Variants in CADPS2 observed in about 807,000 individuals in gnomAD.
CADPS2 encodes the protein calcium-dependent secretion activator 2.
A neutral mutation model predicts 172.5 loss-of-function variants in CADPS2; 93 were observed. The ratio of observed to expected loss-of-function variants is 0.54; its 90% confidence interval spans 0.46 to 0.64. CADPS2 has a LOEUF of 0.64. Among genes scored for constraint, CADPS2 ranks in the 30% least tolerant of loss-of-function variants. The pLI is 0.00. For synonymous variants in CADPS2, 546 were observed against 555.2 expected (o/e 0.98, Z 0.23); for missense variants, 1,420 against 1,565.9 (o/e 0.91, Z 1.57).
chr7:122,757,088 C>A (rs2093195287), intron 1 of CADPS2, among the ~76,000 whole-genome samples: 1 of 115,944 alleles, frequency 8.6e-6, no homozygotes, highest in Non-Finnish European at 1.6e-5. Context: ...AAGCTCTGAA[C>A]TGTTGACCAA....
intron 11 of CADPS2, among the ~76,000 whole-genome samples, chr7:122,489,466 A>G (rs1461493443): frequency 6.6e-6 from 1 of 152,180 alleles, no homozygotes; most frequent in Non-Finnish European, 1.5e-5. Context: ...TATCAAAGCT[A>G]GGTTTGAAGA....
In CADPS2 at chr7:122,581,227, G is replaced by A. The variant is rs773406852; in HGVS notation, c.1287C>T (p.Phe429=). The change falls in exon 7 of 30, where the codon TTC becomes TTT. Residue 429 remains phenylalanine, a synonymous_variant. Coordinates refer to ENST00000449022, the MANE Select transcript of CADPS2 (RefSeq NM_017954.11). ...HPRPVVKVKL[F]TESTGVLALE... ...GGGCCAGAACTCCAGTGCTTTCTGT[G>A]AAGAGTTTCACTTTGACCACAGGCC... The A allele has an allele frequency of 1.4e-5, 23 of 1,613,144 alleles. No individual in the cohort carries two copies. The Middle Eastern group carries it at 6.6e-4, about 46-fold the overall frequency.
intron 7 of CADPS2, among the ~76,000 whole-genome samples, chr7:122,569,905 G>T (rs112823319): frequency 0.096 from 13,532 of 140,452 alleles, 800 homozygotes; most frequent in African/African-American, 0.17. Flanking sequence ...AGACTTAAAC[G>T]TTAGACCTAA....
chr7:122,609,480 A>C (rs1373634912), intron 6 of CADPS2, among the ~76,000 whole-genome samples: 1 of 152,320 alleles, frequency 6.6e-6, no homozygotes, highest in East Asian at 1.9e-4. Flanking sequence ...AAAAATCCAT[A>C]AATAACAGGA....
intron 18 of CADPS2, among the ~76,000 whole-genome samples, chr7:122,414,848 A>T (rs1168864824): frequency 6.6e-6 from 1 of 152,220 alleles, no homozygotes; most frequent in Non-Finnish European, 1.5e-5. Flanking sequence ...GGCTTCATTA[A>T]ATACAAAAAT....
chr7:122,828,367 T>C (rs1280498428), intron 1 of CADPS2, among the ~76,000 whole-genome samples: 1 of 151,980 alleles, frequency 6.6e-6, no homozygotes, highest in Non-Finnish European at 1.5e-5. Context: ...TTATCCACTC[T>C]ATCTCTGTTT....
intron 17 of CADPS2, among the ~76,000 whole-genome samples, chr7:122,428,248 T>C (rs916187499): frequency 3.5e-4 from 53 of 152,120 alleles, no homozygotes; most frequent in Non-Finnish European, 4.4e-4. Flanking sequence ...AAAGCAATAG[T>C]ACGTAAAAAT....
intron 1 of CADPS2, among the ~76,000 whole-genome samples, chr7:122,777,041 C>T (rs139042386): frequency 1.3e-5 from 2 of 152,228 alleles, no homozygotes; most frequent in East Asian, 3.9e-4. Flanking sequence ...GTCCCAGCTA[C>T]TCACGAGGTT....
Position 122,416,043 on chromosome 7 carries a change from G to C in CADPS2, c.2580+18C>G, listed in dbSNP as rs1269288323. 8.9e-6 allele frequency: 13 copies of C among 1,461,226 alleles called. 1 individual carries two copies. Among genetic ancestry groups the C allele is most frequent in the Non-Finnish European group, 1.1e-5 (12 of 1,076,596 alleles). 90.5% of individuals were successfully genotyped at this position (1,461,226 alleles called of 1,614,324 possible). A position where few individuals can be genotyped will look rare whatever the true frequency, so the allele number is the denominator to read the frequency against. ...GCCTTACATATAGCTTTATACTACA[G>C]TGAAAACAGGTCATCACCTCTGCAT... On this transcript the variant is annotated intron_variant, in intron 18 of 29. Coordinates refer to ENST00000449022, the MANE Select transcript of CADPS2 (RefSeq NM_017954.11).
intron 29 of CADPS2, 47 bp downstream of exon 29, chr7:122,325,430 T>TATA (rs1338307219): frequency 8.2e-7 from 1 of 1,218,510 alleles, no homozygotes; most frequent in Admixed American, 1.9e-5. Flanking sequence ...TTGCCATTAT[T>TATA]CCTTATAGCT....
chr7:122,550,939 AC>A (rs1477435629), intron 8 of CADPS2, among the ~76,000 whole-genome samples: 1 of 152,170 alleles, frequency 6.6e-6, no homozygotes, highest in Non-Finnish European at 1.5e-5. Context: ...TGCTAAATAT[AC>A]GTCTTGTGGT....
chr7:122,671,794 G>C (rs1221859660), intron 2 of CADPS2, among the ~76,000 whole-genome samples: 1 of 152,198 alleles, frequency 6.6e-6, no homozygotes, highest in East Asian at 1.9e-4. Context: ...GATTATTTTG[G>C]AGAGTATTTA....
chr7:122,464,622 G>A (rs566505939), intron 14 of CADPS2, among the ~76,000 whole-genome samples: 3 of 152,276 alleles, frequency 2.0e-5, no homozygotes, highest in East Asian at 3.9e-4. Context: ...AATGTGATGA[G>A]AAGGGTATTT....
At chr7:122,849,286 G>A (rs1383974463) in intron 1 of CADPS2, among the ~76,000 whole-genome samples, 1 of 152,136 alleles carries the variant, frequency 6.6e-6, no homozygotes, top group African/African-American at 2.4e-5. Flanking sequence ...AAAATATCTG[G>A]AGGAAACTAT....
rs376659412 is a variant in CADPS2 at position 122,471,654 on chromosome 7, A to C, written c.1999-92T>G. 3.2e-5 allele frequency: 32 copies of C among 988,406 alleles called. No individual in the cohort carries two copies. In the African/African-American group the frequency reaches 5.0e-4, roughly 15 times the overall value. 61.2% of individuals were successfully genotyped at this position (988,406 alleles called of 1,614,324 possible). ...CGCACTTTTAGGCCTTATAAGCAGA[A>C]GCTGCATGAAAGTATCTTGACATTT... On this transcript the variant is annotated intron_variant, in intron 13 of 29. Coordinates refer to ENST00000449022, the MANE Select transcript of CADPS2 (RefSeq NM_017954.11).
chr7:122,844,926 T>G (rs936288052), intron 1 of CADPS2, among the ~76,000 whole-genome samples: 32 of 152,120 alleles, frequency 2.1e-4, no homozygotes, highest in African/African-American at 7.5e-4. Flanking sequence ...AATCATTTTA[T>G]TCTAAGGCTC....
intron 6 of CADPS2, among the ~76,000 whole-genome samples, chr7:122,596,500 C>T (rs2071806669): frequency 6.6e-6 from 1 of 152,088 alleles, no homozygotes; most frequent in South Asian, 2.1e-4. Context: ...AGACTCTGGC[C>T]TTCGTGACTC....
chr7:122,402,758 C>T (rs575041479), intron 20 of CADPS2, among the ~76,000 whole-genome samples: 3 of 152,080 alleles, frequency 2.0e-5, no homozygotes, highest in African/African-American at 7.2e-5. Flanking sequence ...TAATTAGCAG[C>T]CTATTTTGTG....
rs953173583 is a variant in CADPS2, at chr7:122,436,211, G to A, written c.2476+2130C>T. The stretch of plus-strand genomic sequence containing the variant: ...GTTTATGCTATAGATTGCAATGATC[G>A]TTTCACAGCTATTTACCTCCAAATT... On this transcript the variant is annotated intron_variant, in intron 17 of 29. Transcript: ENST00000449022. 6.7e-5 allele frequency: 23 copies of A among 344,774 alleles called. No individual in the cohort carries two copies. In the Admixed American group the frequency reaches 7.1e-4, roughly 11 times the overall value. The allele number at this position is 344,774 out of a possible 1,614,324, so 21.4% of individuals were successfully genotyped here. A position where few individuals can be genotyped will look rare whatever the true frequency, so the allele number is the denominator to read the frequency against.
Sources: allele counts gnomAD v4.1 joint callset (sites outside exome capture counted in the v4.1 genomes callset), GRCh38; gene constraint gnomAD v4.1.1; transcripts MANE v1.5; gene names NCBI Gene and HGNC (gene_info 2026-07-23, HGNC 2026-07-21).